The following DNAH9 variants were observed in gnomAD, a reference collection of about 807,000 sequenced individuals.
DNAH9 encodes the protein dynein axonemal heavy chain 9, also known as DNAH9 variant protein.
In DNAH9, 345 loss-of-function variants were observed where a neutral mutation model predicts 471.6. That is an observed-to-expected ratio of 0.73 (90% CI 0.67 to 0.80). The LOEUF (loss-of-function observed/expected upper bound fraction) is 0.80. Among genes scored for constraint, DNAH9 ranks in the 30% least tolerant of loss-of-function variants. The probability of loss-of-function intolerance (pLI) is 0.00; values close to 1 mark genes in which losing one functional copy is unlikely to be tolerated. For missense variants in DNAH9, 5,407 were observed against 5,609.2 expected (o/e 0.96, Z 1.15); for synonymous variants, 2,093 against 2,123.6 (o/e 0.99, Z 0.40).
chr17:11,851,009 CATGGCTCTAGG>C lies in DNAH9; in HGVS notation c.9508-2989_9508-2979del, dbSNP rs1387851401. On this transcript the variant is annotated intron_variant, in intron 49 of 68. Transcript: ENST00000262442. ...TTTCAGGTTCTCTGAAGGAAACCAT[CATGGCTCTAGG>C]ATGGGAAATGACTAAGAAGGGGAGG... Among the ~76,000 whole-genome samples the C allele has an allele frequency of 1.3e-4, 20 of 152,212 alleles. 1 individual carries two copies. In the East Asian group the frequency reaches 3.7e-3, roughly 28 times the overall value.
In DNAH9 at chr17:11,617,551, T is replaced by C. The variant is rs1236187745; in HGVS notation, c.1045T>C (p.Cys349Arg). ...CGTGGTCTGTCTGATTTGGGCCACA[T>C]GCAAGTCCTACCGCTCCCCGGGAAG... The part of the protein sequence containing the change: ...LHVVCLIWAT[C>R]KSYRSPGRLT... Residue 349 changes from cysteine to arginine, a missense_variant, in exon 5 of 69, where the codon TGC (cysteine) becomes CGC (arginine). By Grantham distance (180) the Cys-to-Arg change is radical. Transcript: ENST00000262442. The C allele has an allele frequency of 1.9e-6, 3 of 1,614,016 alleles. No individual in the cohort carries two copies. Among genetic ancestry groups the C allele is most frequent in the Admixed American group, 3.3e-5 (2 of 60,002 alleles).
At position 11,720,733 on chromosome 17, in the gene DNAH9, A is replaced by G. The variant is rs1465324641; in HGVS notation, c.5709+1243A>G. Among the ~76,000 whole-genome samples the G allele has an allele frequency of 2.0e-5, 3 of 152,334 alleles. No individual in the cohort carries two copies. In the East Asian group the frequency reaches 5.8e-4, roughly 29 times the overall value. On this transcript the variant is annotated intron_variant, in intron 27 of 68. Transcript: ENST00000262442. ...TTTCTGTAGCATGATTTTGTTGTGT[A>G]GAGTTGCAGCGTCCTGTAGCACCAT... is the stretch of plus-strand genomic sequence containing the variant.
intron 45 of DNAH9, among the ~76,000 whole-genome samples, chr17:11,818,303 C>T (rs1276678374): frequency 6.6e-6 from 1 of 151,986 alleles, no homozygotes; most frequent in East Asian, 1.9e-4. Flanking sequence ...GTGGTGTGCA[C>T]CTGTAGTCCC....
At chr17:11,736,449 C>T (rs1242835857) in intron 28 of DNAH9, among the ~76,000 whole-genome samples, 3 of 152,130 alleles carry the variant, frequency 2.0e-5, no homozygotes, top group Non-Finnish European at 2.9e-5. Context: ...TTAATCCATA[C>T]ATCCCTAGTT....
chr17:11,901,094 G>GA (rs1270503139), intron 59 of DNAH9, among the ~76,000 whole-genome samples: 1 of 152,230 alleles, frequency 6.6e-6, no homozygotes, highest in Non-Finnish European at 1.5e-5. Context: ...GAGAGTGCCA[G>GA]AAAAGGAGAC....
chr17:11,910,036 A>G (rs1973741514), intron 61 of DNAH9, among the ~76,000 whole-genome samples: 1 of 152,092 alleles, frequency 6.6e-6, no homozygotes, highest in South Asian at 2.1e-4. Context: ...CAGGTGGATC[A>G]TGAGGTCAGG....
intron 19 of DNAH9, among the ~76,000 whole-genome samples, chr17:11,681,616 G>T (rs2074135335): frequency 6.6e-6 from 1 of 152,186 alleles, no homozygotes; most frequent in Non-Finnish European, 1.5e-5. Context: ...TCTGTGATTT[G>T]TTTCCTGTTT....
chr17:11,945,874 T>G (rs978619426), intron 67 of DNAH9, among the ~76,000 whole-genome samples: 1 of 151,078 alleles, frequency 6.6e-6, no homozygotes, highest in African/African-American at 2.4e-5. Flanking sequence ...CTGGCTAGCA[T>G]GGTGAAACCC....
intron 50 of DNAH9, among the ~76,000 whole-genome samples, chr17:11,866,056 G>C (rs1323302505): frequency 6.6e-6 from 1 of 152,172 alleles, no homozygotes; most frequent in Non-Finnish European, 1.5e-5. Flanking sequence ...TCTATTGCTG[G>C]TGAGGAACTG....
rs1438509404 is a variant in DNAH9 at position 11,822,467 on chromosome 17, C to A, written c.8880C>A (p.Asn2960Lys). 1.2e-6 allele frequency: 2 copies of A among 1,614,054 alleles called. No individual in the cohort carries two copies. The highest frequency in any genetic ancestry group is 1.7e-6 in the Non-Finnish European group (2 of 1,180,032). ...CTCTCTGTTTCTCCCCTGTGGGAAACAAGCTAAGAGTCCGCAGCAGGAAGT... is the reference window on the plus strand; with the variant it reads ...CTCTCTGTTTCTCCCCTGTGGGAAAAAAGCTAAGAGTCCGCAGCAGGAAGT... ...KVTLCFSPVGNKLRVRSRKFP... is the reference protein window; with the variant it reads ...KVTLCFSPVGKKLRVRSRKFP... The change falls in exon 47 of 69, where the codon AAC becomes AAA. Residue 2960 changes from asparagine to lysine, a missense_variant. By Grantham distance (94) the Asn-to-Lys change is moderately conservative (BLOSUM62 0). Coordinates refer to ENST00000262442, the MANE Select transcript of DNAH9 (RefSeq NM_001372.4).
intron 14 of DNAH9, among the ~76,000 whole-genome samples, chr17:11,661,233 G>A (rs897311128): frequency 8.6e-5 from 13 of 150,968 alleles, no homozygotes; most frequent in African/African-American, 1.2e-4. Context: ...TAATAATATA[G>A]CCTTTCCTAT....
At chr17:11,905,366 C>G (rs1973559141) in intron 60 of DNAH9, among the ~76,000 whole-genome samples, 1 of 152,172 alleles carries the variant, frequency 6.6e-6, no homozygotes, top group South Asian at 2.1e-4. Flanking sequence ...TAACAGTGTC[C>G]TGATTGGTGG....
intron 61 of DNAH9, among the ~76,000 whole-genome samples, chr17:11,911,669 A>T (rs1198036330): frequency 6.6e-6 from 1 of 152,188 alleles, no homozygotes; most frequent in Non-Finnish European, 1.5e-5. Flanking sequence ...TGTAGATAAG[A>T]TCTAGAGAGT....
At chr17:11,758,683 C>T (rs1019007373) in intron 35 of DNAH9, among the ~76,000 whole-genome samples, 6 of 152,162 alleles carry the variant, frequency 3.9e-5, no homozygotes, top group African/African-American at 1.4e-4. Flanking sequence ...TGCAACAGGG[C>T]TCCAGGTGCT....
At chr17:11,722,236 A>G (rs1418950691) in intron 27 of DNAH9, among the ~76,000 whole-genome samples, 3 of 152,204 alleles carry the variant, frequency 2.0e-5, no homozygotes, top group African/African-American at 7.2e-5. Context: ...GGGCTAAGCT[A>G]CCTTACAGAG....
In DNAH9 at chr17:11,881,372, G is replaced by A. The variant is rs141804167; in HGVS notation, c.10765G>A (p.Ala3589Thr). Residue 3589 changes from alanine to threonine, a missense_variant, in exon 55 of 69, where the codon GCT becomes ACT. Ala to Thr is a moderately conservative substitution (Grantham distance 58, BLOSUM62 0). Coordinates refer to ENST00000262442, the MANE Select transcript of DNAH9 (RefSeq NM_001372.4). ...RDGLEDQLLA[A>T]VVSMERPDLE... Reference sequence around the variant, plus strand: ...TGGCCTGGAGGACCAGTTGCTGGCCGCTGTGGTCAGCATGGAGAGGCCAGA... The same window carrying A: ...TGGCCTGGAGGACCAGTTGCTGGCCACTGTGGTCAGCATGGAGAGGCCAGA... 2.8e-5 allele frequency: 45 copies of A among 1,613,690 alleles called. No individual in the cohort carries two copies. Among genetic ancestry groups the A allele is most frequent in the African/African-American group, 1.3e-4 (10 of 74,912 alleles).
rs376416625 is a variant in DNAH9, at chr17:11,861,929, T to C, written c.9934-7205T>C. On this transcript the variant is annotated intron_variant, in intron 50 of 68. Transcript: ENST00000262442. ...GTAGATTCTGGATATTAGCCCTTTG[T>C]CAGATGAGTAGGTTGCAAAAATTTT... 2.4e-3 allele frequency among the ~76,000 whole-genome samples: 360 copies of C among 151,764 alleles called. 3 individuals carry two copies. Among genetic ancestry groups the C allele is most frequent in the East Asian group, 0.015 (77 of 5,158 alleles).
rs1391049788 is a variant in DNAH9 at position 11,669,675 on chromosome 17, C to G, written c.3234C>G (p.Ile1078Met). 1.9e-6 allele frequency: 3 copies of G among 1,614,138 alleles called. No individual in the cohort carries two copies. The South Asian group carries it at 3.3e-5, about 18-fold the overall frequency. The change falls in exon 17 of 69, where the codon ATC becomes ATG. Residue 1078 changes from isoleucine to methionine, a missense_variant. By Grantham distance (10) the Ile-to-Met change is conservative. Around this residue, in one of 3 missense-constraint regions of DNAH9, gnomAD observed 4,636 missense variants for 4,900.3 expected, o/e 0.95. Transcript: ENST00000262442. ...LYEEVCRLEP[I>M]KVFDGWMKID... is the part of the protein sequence containing the mutation. Reference sequence around the variant, plus strand: ...AAGAGGTGTGCAGGCTGGAACCCATCAAGGTGTTTGACGGCTGGATGAAAA... The same window carrying G: ...AAGAGGTGTGCAGGCTGGAACCCATGAAGGTGTTTGACGGCTGGATGAAAA...
intron 1 of DNAH9, among the ~76,000 whole-genome samples, chr17:11,604,598 C>T (rs933670169): frequency 1.3e-5 from 2 of 152,194 alleles, no homozygotes; most frequent in African/African-American, 4.8e-5. Context: ...TGTATCTTCT[C>T]TGAAGATCTT....
Sources: allele counts gnomAD v4.1 joint callset (sites outside exome capture counted in the v4.1 genomes callset), GRCh38; gene constraint gnomAD v4.1.1; regional missense constraint gnomAD v4.1.1; transcripts MANE v1.5; gene names NCBI Gene and HGNC (gene_info 2026-07-23, HGNC 2026-07-21).